Variants in LDB2 observed in about 807,000 individuals in gnomAD.
LDB2 encodes LIM domain binding 2, also known as LIM domain-binding protein 2.
A neutral mutation model predicts 44.3 loss-of-function variants in LDB2; 12 were observed. That is an observed-to-expected ratio of 0.27 (90% CI 0.17 to 0.44). The LOEUF is 0.44. Ranked by LOEUF, LDB2 falls within the 20% of genes least tolerant of loss-of-function variation. The pLI is 1.00. For missense variants in LDB2, 344 were observed against 473.5 expected, an observed-to-expected ratio of 0.73 and a Z score of 2.54; for synonymous variants, 164 against 174.8, an observed-to-expected ratio of 0.94 and a Z score of 0.49.
intron 2 of LDB2, among the ~76,000 whole-genome samples, chr4:16,699,551 T>C (rs981156920): frequency 6.6e-6 from 1 of 152,158 alleles, no homozygotes; most frequent in Non-Finnish European, 1.5e-5. Flanking sequence ...ATTATGCAAA[T>C]AGATATATAT....
rs565370091 is a variant in LDB2, at chr4:16,883,219, T to G, written c.132+15135A>C. On this transcript the variant is annotated intron_variant, in intron 1 of 7. Transcript: ENST00000304523. ...CAGAAGAGGGCCAAAAATACGTTAT[T>G]TACCTTGACTTTGTGTTGGATGTGA... is the stretch of plus-strand genomic sequence containing the variant. Among the ~76,000 whole-genome samples the G allele has an allele frequency of 8.3e-4, 127 of 152,310 alleles. No individual in the cohort carries two copies. In the Middle Eastern group the frequency reaches 0.01, roughly 12 times the overall value.
At chr4:16,771,185 G>A (rs1770579998) in intron 1 of LDB2, among the ~76,000 whole-genome samples, 1 of 151,942 alleles carries the variant, frequency 6.6e-6, no homozygotes. Flanking sequence ...CCAGGACCAA[G>A]GCCACAGGAA....
intron 1 of LDB2, among the ~76,000 whole-genome samples, chr4:16,871,619 TTC>T (rs1397765315): frequency 7.2e-4 from 37 of 51,216 alleles, no homozygotes; most frequent in African/African-American, 2.8e-3. Flanking sequence ...AAACCACTCT[TTC>T]TTTTTTTTTT....
intron 1 of LDB2, among the ~76,000 whole-genome samples, chr4:16,817,329 A>T (rs551168875): frequency 5.3e-5 from 8 of 152,300 alleles, no homozygotes; most frequent in African/African-American, 1.9e-4. Context: ...AAATATGATT[A>T]ATGTGCTACT....
chr4:16,809,586 C>T (rs551533148), intron 1 of LDB2, among the ~76,000 whole-genome samples: 1 of 152,102 alleles, frequency 6.6e-6, no homozygotes, highest in Non-Finnish European at 1.5e-5. Flanking sequence ...ATAGGATTTA[C>T]GAAGATTCTT....
At chr4:16,725,474 C>T (rs566936081) in intron 2 of LDB2, among the ~76,000 whole-genome samples, 26 of 152,192 alleles carry the variant, frequency 1.7e-4, no homozygotes, top group Non-Finnish European at 2.8e-4. Context: ...AGCCGGATCC[C>T]GCTATCTCTA....
chr4:16,779,921 CT>C (rs1344806428), intron 1 of LDB2, among the ~76,000 whole-genome samples: 1 of 152,148 alleles, frequency 6.6e-6, no homozygotes, highest in African/African-American at 2.4e-5. Flanking sequence ...GATCTTCTTT[CT>C]TTTCTGTATT....
intron 2 of LDB2, among the ~76,000 whole-genome samples, chr4:16,624,767 T>C (rs142648879): frequency 1.3e-5 from 2 of 152,322 alleles, no homozygotes; most frequent in East Asian, 1.9e-4. Context: ...TTCCACATTA[T>C]AAATGAGCAA....
At chr4:16,606,736 GA>G (rs1262029553) in intron 2 of LDB2, among the ~76,000 whole-genome samples, 1 of 152,220 alleles carries the variant, frequency 6.6e-6, no homozygotes, top group Non-Finnish European at 1.5e-5. Flanking sequence ...TAGAGAAGTA[GA>G]AAAGAAAATC....
intron 5 of LDB2, among the ~76,000 whole-genome samples, chr4:16,547,575 C>T (rs1319000329): frequency 6.6e-6 from 1 of 152,190 alleles, no homozygotes; most frequent in Non-Finnish European, 1.5e-5. Flanking sequence ...CACATCCAGC[C>T]TAGGGCTCCT....
intron 2 of LDB2, chr4:16,741,515 G>A (rs983547820): frequency 6.6e-6 from 1 of 152,222 alleles, no homozygotes; most frequent in Non-Finnish European, 1.5e-5. Context: ...AGGGAATGAG[G>A]TGGGCTGTGA....
intron 5 of LDB2, among the ~76,000 whole-genome samples, chr4:16,560,927 A>G (rs943077397): frequency 6.6e-6 from 1 of 152,222 alleles, no homozygotes; most frequent in Non-Finnish European, 1.5e-5. Context: ...ACAAATCAAT[A>G]AATGTAATCC....
chr4:16,551,295 A>G (rs1250350020), intron 5 of LDB2, among the ~76,000 whole-genome samples: 3 of 152,148 alleles, frequency 2.0e-5, no homozygotes, highest in Admixed American at 2.0e-4. Context: ...TGTTCATTCT[A>G]TTCATCTTAA....
At chr4:16,536,682 A>T (rs1217555779) in intron 5 of LDB2, among the ~76,000 whole-genome samples, 1 of 152,206 alleles carries the variant, frequency 6.6e-6, no homozygotes, top group East Asian at 1.9e-4. Context: ...TGGGAATCAC[A>T]TGACTCAGGT....
chr4:16,599,778 G>A (rs958672203), intron 2 of LDB2, among the ~76,000 whole-genome samples: 1 of 152,198 alleles, frequency 6.6e-6, no homozygotes, highest in Non-Finnish European at 1.5e-5. Flanking sequence ...AATTTCTTCT[G>A]TAAACATTCA....
At chr4:16,715,227 T>C (rs1051551116) in intron 2 of LDB2, among the ~76,000 whole-genome samples, 2 of 152,162 alleles carry the variant, frequency 1.3e-5, no homozygotes, top group Non-Finnish European at 2.9e-5. Flanking sequence ...AGGCCTCTAG[T>C]ACACACTCAA....
chr4:16,689,137 G>A (rs1454955716), intron 2 of LDB2, among the ~76,000 whole-genome samples: 1 of 152,180 alleles, frequency 6.6e-6, no homozygotes, highest in African/African-American at 2.4e-5. Flanking sequence ...GTGGTAGGTG[G>A]AACCTTTAAT....
At chr4:16,751,506 G>T (rs1765495709) in intron 2 of LDB2, among the ~76,000 whole-genome samples, 1 of 152,030 alleles carries the variant, frequency 6.6e-6, no homozygotes, top group Non-Finnish European at 1.5e-5. Flanking sequence ...GGAAGAGATG[G>T]GTCTCCTTTT....
chr4:16,614,193 G>T (rs1300759627), intron 2 of LDB2, among the ~76,000 whole-genome samples: 1 of 152,194 alleles, frequency 6.6e-6, no homozygotes, highest in Non-Finnish European at 1.5e-5. Context: ...AGTAAATGGT[G>T]CTGGGAAAGC....
Sources: gnomAD v4.1 joint callset for allele counts (sites outside exome capture counted in the v4.1 genomes callset) on GRCh38, gnomAD v4.1.1 for gene constraint, MANE v1.5 for transcripts, NCBI Gene and HGNC (gene_info 2026-07-23, HGNC 2026-07-21) for gene names.